SGMS2: variants seen among roughly 807,000 people sequenced by gnomAD.
SGMS2 encodes the protein phosphatidylcholine:ceramide cholinephosphotransferase 2.
A neutral mutation model predicts 43.8 loss-of-function variants in SGMS2; 21 were observed. That is an observed-to-expected ratio of 0.48 (90% CI 0.34 to 0.69). SGMS2 has a LOEUF of 0.69. Ranked by LOEUF, SGMS2 falls within the 30% of genes least tolerant of loss-of-function variation. The pLI, the probability that SGMS2 is intolerant of heterozygous loss-of-function variation, is 0.01. For synonymous variants in SGMS2, 167 were observed against 160.6 expected (o/e 1.04, Z -0.30); for missense variants, 384 against 443.2 (o/e 0.87, Z 1.20).
chr4:107,865,369 G>A (rs1047594194), intron 2 of SGMS2, among the ~76,000 whole-genome samples: 1 of 152,066 alleles, frequency 6.6e-6, no homozygotes, highest in Non-Finnish European at 1.5e-5. Context: ...TAATGCTAAT[G>A]GAATTTATAG....
intron 1 of SGMS2, among the ~76,000 whole-genome samples, chr4:107,851,056 A>C (rs1454636291): frequency 6.6e-6 from 1 of 152,132 alleles, no homozygotes; most frequent in East Asian, 1.9e-4. Flanking sequence ...TTCTCTCTGC[A>C]TGTCATCCTG....
At chr4:107,888,995 A>C (rs111736331) in intron 2 of SGMS2, among the ~76,000 whole-genome samples, 3,231 of 152,256 alleles carry the variant, frequency 0.021, 49 homozygotes, top group Middle Eastern at 0.078. Context: ...ATTTAAACTA[A>C]CTGACTTCAT....
At chr4:107,894,841 T>C (rs1410525153) in intron 2 of SGMS2, among the ~76,000 whole-genome samples, 1 of 48,944 alleles carries the variant, frequency 2.0e-5, no homozygotes, top group East Asian at 7.0e-4. Flanking sequence ...GAAAATTGAC[T>C]ATTTTGACAA....
At position 107,895,589 on chromosome 4, in the gene SGMS2, T is replaced by G; in HGVS notation, c.36T>G (p.His12Gln). ...DIIETAKLEEHLENQPSDPTN... is the reference protein window; with the variant it reads ...DIIETAKLEEQLENQPSDPTN... ...TAGAGACAGCAAAACTTGAAGAACA[T>G]TTGGAAAATCAACCCAGTGATCCTA... is the stretch of plus-strand genomic sequence containing the variant. The change falls in exon 3 of 7, where the codon CAT becomes CAG. Residue 12 changes from histidine to glutamine, a missense_variant. Transcript: ENST00000690982. 1 of 1,613,836 alleles carries G rather than the reference T, an allele frequency of 6.2e-7. No homozygotes were observed. The highest frequency in any genetic ancestry group is 2.2e-5 in the East Asian group (1 of 44,856).
chr4:107,829,698 TCTTTC>T (rs1385841683), intron 1 of SGMS2, among the ~76,000 whole-genome samples: 4 of 152,148 alleles, frequency 2.6e-5, no homozygotes, highest in African/African-American at 9.7e-5. Flanking sequence ...ATATGTACAG[TCTTTC>T]CTTTCACTAT....
At chr4:107,853,973 G>A (rs1216382134) in intron 1 of SGMS2, among the ~76,000 whole-genome samples, 1 of 152,218 alleles carries the variant, frequency 6.6e-6, no homozygotes, top group Non-Finnish European at 1.5e-5. Flanking sequence ...TACATTTAGT[G>A]TACGTGAACC....
chr4:107,856,987 A>G (rs1227752157), intron 1 of SGMS2, among the ~76,000 whole-genome samples: 1 of 152,184 alleles, frequency 6.6e-6, no homozygotes, highest in Non-Finnish European at 1.5e-5. Flanking sequence ...ACAGCACTCC[A>G]GAAAGAAACC....
At chr4:107,837,791 G>A (rs1578504684) in intron 1 of SGMS2, among the ~76,000 whole-genome samples, 4 of 151,640 alleles carry the variant, frequency 2.6e-5, no homozygotes, top group African/African-American at 7.3e-5. Flanking sequence ...GGTGGAGATC[G>A]AGAATGTTGG....
chr4:107,873,657 C>A (rs17038153), intron 2 of SGMS2, among the ~76,000 whole-genome samples: 2 of 151,878 alleles, frequency 1.3e-5, no homozygotes, highest in Non-Finnish European at 2.9e-5. Flanking sequence ...GAGTATCTGA[C>A]TTTTTCACAT....
At chr4:107,892,477 G>A (rs1730312543) in intron 2 of SGMS2, among the ~76,000 whole-genome samples, 2 of 152,094 alleles carry the variant, frequency 1.3e-5, no homozygotes, top group East Asian at 3.9e-4. Flanking sequence ...CTGAAAATCT[G>A]AGACAGGTCT....
chr4:107,913,255 C>A lies in SGMS2; in HGVS notation c.*2702C>A, dbSNP rs1303414956. The A allele has an allele frequency of 6.6e-6, 1 of 151,820 alleles. No homozygotes were observed. The highest frequency in any genetic ancestry group is 1.5e-5 in the Non-Finnish European group (1 of 67,956). The allele number at this position is 151,820 out of a possible 1,614,324, so 9.4% of individuals were successfully genotyped here. ...AGTATGCCACATTTTTTTTCTAACT[C>A]ATTTCAAATGAAATTCTCTCAGATT... On this transcript the variant is annotated 3_prime_UTR_variant, in exon 7 of 7. Transcript: ENST00000690982.
intron 2 of SGMS2, among the ~76,000 whole-genome samples, chr4:107,868,972 C>T (rs1434648427): frequency 6.6e-6 from 1 of 152,088 alleles, no homozygotes; most frequent in Non-Finnish European, 1.5e-5. Flanking sequence ...TTACAGAACA[C>T]CATTTTTAAG....
At chr4:107,832,681 G>A (rs902989) in intron 1 of SGMS2, among the ~76,000 whole-genome samples, 52,125 of 151,968 alleles carry the variant, frequency 0.34, 10,044 homozygotes, top group Middle Eastern at 0.46. Flanking sequence ...CAACTCCTTG[G>A]TTTACCATGT....
Position 107,914,565 on chromosome 4 carries a change from T to C in SGMS2, c.*4012T>C, listed in dbSNP as rs1732336284. 1 of 152,128 alleles carries C rather than the reference T, an allele frequency of 6.6e-6. No individual in the cohort carries two copies. Among genetic ancestry groups the C allele is most frequent in the Non-Finnish European group, 1.5e-5 (1 of 67,978 alleles). The allele number at this position is 152,128 out of a possible 1,614,324, so 9.4% of individuals were successfully genotyped here. On this transcript the variant is annotated 3_prime_UTR_variant, in exon 7 of 7. Coordinates refer to ENST00000690982, the MANE Select transcript of SGMS2 (RefSeq NM_001375905.1). ...CTGTTTCAATGTGTTAAGTGCCTTG[T>C]TGTAAAGTAAAATTTTAAGTCTAGA...
At chr4:107,901,588 C>T (rs989626844) in intron 4 of SGMS2, among the ~76,000 whole-genome samples, 1 of 152,174 alleles carries the variant, frequency 6.6e-6, no homozygotes, top group African/African-American at 2.4e-5. Flanking sequence ...GAAAGCTTTG[C>T]TTTCCTAGTT....
intron 1 of SGMS2, among the ~76,000 whole-genome samples, chr4:107,856,181 T>C (rs1727416836): frequency 6.6e-6 from 1 of 152,220 alleles, no homozygotes; most frequent in Admixed American, 6.6e-5. Context: ...ATTTTGCTGT[T>C]GTTATATAAT....
intron 2 of SGMS2, among the ~76,000 whole-genome samples, chr4:107,890,081 T>A (rs1307827577): frequency 6.6e-6 from 1 of 152,210 alleles, no homozygotes; most frequent in East Asian, 1.9e-4. Flanking sequence ...TACACTTTTC[T>A]TTAAAAACCC....
At chr4:107,907,540 G>T (rs1035748187) in intron 5 of SGMS2, among the ~76,000 whole-genome samples, 49 of 152,166 alleles carry the variant, frequency 3.2e-4, no homozygotes, top group African/African-American at 1.1e-3. Context: ...GAACCCAGGG[G>T]ACAGAGGTTG....
At position 107,910,497 on chromosome 4, in the gene SGMS2, T is replaced by C; in HGVS notation, c.1042T>C (p.Cys348Arg). The change falls in exon 7 of 7, where the codon TGC becomes CGC. Residue 348 changes from cysteine to arginine, a missense_variant. Transcript: ENST00000690982. ...GCCTCCTGGCTGCTTCAAATCATCA[T>C]GCAAAAAGTATTCACGGGTTCAGAA... ...SWPPGCFKSSCKKYSRVQKIG... is the reference protein window; with the variant it reads ...SWPPGCFKSSRKKYSRVQKIG... The C allele has an allele frequency of 6.2e-7, 1 of 1,613,998 alleles. No homozygotes were observed. Among genetic ancestry groups the C allele is most frequent in the Non-Finnish European group, 8.5e-7 (1 of 1,179,972 alleles).
Sources: allele counts gnomAD v4.1 joint callset (sites outside exome capture counted in the v4.1 genomes callset), GRCh38; gene constraint gnomAD v4.1.1; transcripts MANE v1.5; gene names NCBI Gene and HGNC (gene_info 2026-07-23, HGNC 2026-07-21).